Variants in DNM3 observed in about 807,000 individuals in gnomAD.
DNM3 encodes dynamin 3, also known as dynamin-3.
In DNM3, 47 loss-of-function variants were observed where a neutral mutation model predicts 101.6. The ratio of observed to expected loss-of-function variants is 0.46; its 90% CI spans 0.37 to 0.59. The LOEUF (loss-of-function observed/expected upper bound fraction) is 0.59, where lower values mean the gene tolerates loss of function less well. Ranked by LOEUF, DNM3 falls within the 20% of genes least tolerant of loss-of-function variation. The pLI, the probability that DNM3 is intolerant of heterozygous loss-of-function variation, is 0.00. For missense variants in DNM3, 849 were observed against 1,085.7 expected (o/e 0.78, Z 3.06); for synonymous variants, 385 against 387.9 (o/e 0.99, Z 0.09).
At chr1:172,283,663 G>A (rs1478440205) in intron 15 of DNM3, among the ~76,000 whole-genome samples, 5 of 150,924 alleles carry the variant, frequency 3.3e-5, no homozygotes, top group African/African-American at 1.2e-4. Flanking sequence ...GGGAGGCTGA[G>A]GCAGGAAAAT....
chr1:172,083,043 C>T (rs954628717), intron 12 of DNM3, among the ~76,000 whole-genome samples: 1 of 152,208 alleles, frequency 6.6e-6, no homozygotes, highest in Non-Finnish European at 1.5e-5. Flanking sequence ...AGCCACCCTG[C>T]CCACACCCAC....
At chr1:171,977,671 T>G (rs1296928145) in intron 2 of DNM3, among the ~76,000 whole-genome samples, 2 of 152,246 alleles carry the variant, frequency 1.3e-5, no homozygotes, top group African/African-American at 2.4e-5. Flanking sequence ...TGAAATTTAC[T>G]CTATGTCTTT....
chr1:172,047,359 G>A (rs2049892535), intron 9 of DNM3, among the ~76,000 whole-genome samples: 1 of 152,156 alleles, frequency 6.6e-6, no homozygotes, highest in Non-Finnish European at 1.5e-5. Context: ...GAAGGTCTCA[G>A]CAGCAAGACT....
At chr1:172,211,242 A>G (rs1439354074) in intron 14 of DNM3, among the ~76,000 whole-genome samples, 1 of 152,086 alleles carries the variant, frequency 6.6e-6, no homozygotes, top group Non-Finnish European at 1.5e-5. Context: ...GATTTTTCTG[A>G]TTATCATCAC....
At chr1:172,371,453 A>G (rs1285456903) in intron 17 of DNM3, among the ~76,000 whole-genome samples, 2 of 152,036 alleles carry the variant, frequency 1.3e-5, no homozygotes, top group Non-Finnish European at 2.9e-5. Flanking sequence ...GTAAACTGAG[A>G]TGTCGCTTAT....
chr1:172,114,166 A>G (rs1229041265), intron 13 of DNM3, among the ~76,000 whole-genome samples: 1 of 152,210 alleles, frequency 6.6e-6, no homozygotes, highest in African/African-American at 2.4e-5. Context: ...GGCAGTGTGG[A>G]GAGAGGTAAT....
chr1:172,068,885 G>A lies in DNM3; in HGVS notation c.1402G>A (p.Glu468Lys). The change falls in exon 11 of 21, where the codon GAA (glutamate) becomes AAA (lysine). Residue 468 changes from glutamate to lysine, a missense_variant. By Grantham distance (56) the Glu-to-Lys change is moderately conservative. This residue lies in a region of DNM3 where 193 missense variants were observed against 238.4 expected (regional missense o/e 0.81). Transcript: ENST00000627582. Reference protein sequence around the residue: ...RIVANHIREREGKTKDQVLLL... With the variant: ...RIVANHIRERKGKTKDQVLLL... ...TGTTGCTAACCACATTCGTGAGCGA[G>A]AAGGGAAGACAAAGGACCAGGTAAA... The A allele has an allele frequency of 1.3e-6, 2 of 1,566,330 alleles. No individual in the cohort carries two copies. Among genetic ancestry groups the A allele is most frequent in the Non-Finnish European group, 1.7e-6 (2 of 1,154,812 alleles).
chr1:171,863,148 T>G (rs2034356899), intron 1 of DNM3, among the ~76,000 whole-genome samples: 1 of 151,286 alleles, frequency 6.6e-6, no homozygotes, highest in Non-Finnish European at 1.5e-5. Context: ...GACCCAGAAG[T>G]AAGATCCAAG....
At chr1:171,918,160 C>A (rs1221055471) in intron 1 of DNM3, among the ~76,000 whole-genome samples, 1 of 151,974 alleles carries the variant, frequency 6.6e-6, no homozygotes, top group African/African-American at 2.4e-5. Context: ...TTAAGGTAAG[C>A]GAATACTACA....
chr1:171,853,214 A>C (rs1297376927), intron 1 of DNM3, among the ~76,000 whole-genome samples: 1 of 151,576 alleles, frequency 6.6e-6, no homozygotes, highest in East Asian at 1.9e-4. Context: ...CCCAGGCTGG[A>C]GGGCAATGGC....
intron 14 of DNM3, among the ~76,000 whole-genome samples, chr1:172,217,388 C>G (rs372636560): frequency 3.3e-5 from 5 of 152,126 alleles, no homozygotes; most frequent in Admixed American, 1.3e-4. Context: ...GCCTGCCAAC[C>G]AATTGTGTTC....
At chr1:171,867,912 ATT>A (rs779605946) in intron 1 of DNM3, among the ~76,000 whole-genome samples, 5 of 152,028 alleles carry the variant, frequency 3.3e-5, no homozygotes, top group Non-Finnish European at 5.9e-5. Flanking sequence ...AAAGAAAATC[ATT>A]GTTAATTAAA....
At chr1:172,188,055 G>C (rs1324285798) in intron 14 of DNM3, among the ~76,000 whole-genome samples, 2 of 152,000 alleles carry the variant, frequency 1.3e-5, no homozygotes, top group South Asian at 4.1e-4. Context: ...TAAAAAATAT[G>C]CCTTGAATTC....
intron 14 of DNM3, 39 bp downstream of exon 14, chr1:172,131,327 A>T: frequency 6.4e-7 from 1 of 1,556,518 alleles, no homozygotes; most frequent in Non-Finnish European, 8.8e-7. Context: ...TTGTTAAAGT[A>T]TTTCTCATTT....
chr1:171,926,565 C>T (rs762088152), intron 2 of DNM3, among the ~76,000 whole-genome samples: 15 of 152,154 alleles, frequency 9.9e-5, no homozygotes, highest in South Asian at 4.1e-4. Context: ...CAGTTCTTTT[C>T]GACTGATATT....
chr1:172,384,906 T>A (rs1389939817), intron 18 of DNM3, among the ~76,000 whole-genome samples: 1 of 152,220 alleles, frequency 6.6e-6, no homozygotes, highest in Non-Finnish European at 1.5e-5. Context: ...TGTGCAAATA[T>A]CCATGATTCC....
chr1:172,058,345 C>T (rs1405730011), intron 10 of DNM3, among the ~76,000 whole-genome samples: 4 of 151,052 alleles, frequency 2.6e-5, no homozygotes, highest in Non-Finnish European at 5.9e-5. Context: ...CCAAGTGGAC[C>T]TAATAGACAT....
chr1:172,193,137 G>T (rs1183542513), intron 14 of DNM3, among the ~76,000 whole-genome samples: 1 of 152,110 alleles, frequency 6.6e-6, no homozygotes, highest in Non-Finnish European at 1.5e-5. Flanking sequence ...GTGATGATGA[G>T]CATTTTTTCG....
At chr1:172,243,144 A>G (rs1248626066) in intron 14 of DNM3, among the ~76,000 whole-genome samples, 2 of 152,096 alleles carry the variant, frequency 1.3e-5, no homozygotes, top group Admixed American at 1.3e-4. Context: ...TAGTGTGTTT[A>G]TCATTATTAC....
Sources: gnomAD v4.1 joint callset for allele counts (sites outside exome capture counted in the v4.1 genomes callset) on GRCh38, gnomAD v4.1.1 for gene constraint, gnomAD v4.1.1 regional missense constraint, MANE v1.5 for transcripts, NCBI Gene and HGNC (gene_info 2026-07-23, HGNC 2026-07-21) for gene names.